SCHIP1: variants seen among roughly 807,000 people sequenced by gnomAD.
SCHIP1 encodes schwannomin interacting protein 1, also known as schwannomin-interacting protein 1.
In SCHIP1, 8 loss-of-function variants were observed where a neutral mutation model predicts 29.7. The ratio of observed to expected loss-of-function variants is 0.27; its 90% confidence interval spans 0.16 to 0.49. The LOEUF is 0.49. Among genes scored for constraint, SCHIP1 ranks in the 20% least tolerant of loss-of-function variants. The probability of loss-of-function intolerance (pLI) is 0.99; values close to 1 mark genes in which losing one functional copy is unlikely to be tolerated. For missense variants in SCHIP1, 193 were observed against 294.6 expected (o/e 0.66, Z 2.52); for synonymous variants, 76 against 94.9 (o/e 0.80, Z 1.16).
At chr3:159,504,224 G>A in the SCHIP1 span, among the ~76,000 whole-genome samples, 4 of 152,152 alleles carry the variant, frequency 2.6e-5, no homozygotes, top group African/African-American at 4.8e-5. Flanking sequence ...TCCTGTTATA[G>A]GAAACATTAA....
At chr3:159,605,630 G>A in the SCHIP1 span, among the ~76,000 whole-genome samples, 14 of 152,204 alleles carry the variant, frequency 9.2e-5, no homozygotes, top group Middle Eastern at 3.4e-3. Context: ...AATGCCAGCT[G>A]ACCTAAAAAT....
the SCHIP1 span, among the ~76,000 whole-genome samples, chr3:159,380,366 A>G: frequency 6.6e-6 from 1 of 152,186 alleles, no homozygotes; most frequent in Non-Finnish European, 1.5e-5. Flanking sequence ...TTGAAGGCTG[A>G]CATAGTTTCA....
At chr3:159,283,344 G>A in the SCHIP1 span, among the ~76,000 whole-genome samples, 177 of 152,204 alleles carry the variant, frequency 1.2e-3, no homozygotes, top group African/African-American at 3.9e-3. Context: ...GTAGAGACGA[G>A]GTTTCACCAT....
At chr3:159,829,840 G>A in the SCHIP1 span, among the ~76,000 whole-genome samples, 343 of 152,222 alleles carry the variant, frequency 2.3e-3, 1 homozygote, top group Non-Finnish European at 2.9e-3. Context: ...CCTAACAGTC[G>A]GTTGTGCAAT....
the SCHIP1 span, among the ~76,000 whole-genome samples, chr3:159,618,513 C>G: frequency 1.3e-5 from 2 of 152,152 alleles, no homozygotes; most frequent in African/African-American, 4.8e-5. Context: ...CTTGGAAACC[C>G]TGAAAATCTA....
At chr3:159,587,575 T>C in the SCHIP1 span, among the ~76,000 whole-genome samples, 2 of 152,088 alleles carry the variant, frequency 1.3e-5, no homozygotes, top group African/African-American at 4.8e-5. Flanking sequence ...ACCCCTTAAC[T>C]CATAATTTAC....
At chr3:159,748,896 G>A in the SCHIP1 span, among the ~76,000 whole-genome samples, 2 of 152,262 alleles carry the variant, frequency 1.3e-5, no homozygotes, top group South Asian at 4.2e-4. Flanking sequence ...TGAAACCAAA[G>A]AATGGTCTAC....
At chr3:159,303,157 A>G in the SCHIP1 span, among the ~76,000 whole-genome samples, 2 of 152,150 alleles carry the variant, frequency 1.3e-5, no homozygotes, top group Non-Finnish European at 2.9e-5. Flanking sequence ...AAGAGCAGAG[A>G]CAGGCAGAGA....
intron 2 of SCHIP1, among the ~76,000 whole-genome samples, chr3:159,877,358 A>G (rs1204507921): frequency 6.6e-6 from 1 of 152,210 alleles, no homozygotes; most frequent in Non-Finnish European, 1.5e-5. Flanking sequence ...TTCAAAGAAT[A>G]AAAAATAAAG....
chr3:159,644,440 C>T, the SCHIP1 span, among the ~76,000 whole-genome samples: 6 of 152,224 alleles, frequency 3.9e-5, no homozygotes, highest in South Asian at 1.0e-3. Flanking sequence ...TTTCTCGACC[C>T]TGTCCAGGTT....
At chr3:159,657,109 A>G in the SCHIP1 span, among the ~76,000 whole-genome samples, 4 of 152,218 alleles carry the variant, frequency 2.6e-5, no homozygotes, top group African/African-American at 9.7e-5. Context: ...TGCTACTCTA[A>G]GTCTACATGT....
the SCHIP1 span, among the ~76,000 whole-genome samples, chr3:159,343,404 C>T: frequency 7.9e-5 from 12 of 152,314 alleles, no homozygotes; most frequent in African/African-American, 1.7e-4. Flanking sequence ...TTTTCTTGAT[C>T]GTAGGAGTGT....
the SCHIP1 span, among the ~76,000 whole-genome samples, chr3:159,827,672 G>A: frequency 6.6e-6 from 1 of 152,034 alleles, no homozygotes; most frequent in Non-Finnish European, 1.5e-5. Flanking sequence ...GGGCACGGTG[G>A]CGGGCGCCTG....
At chr3:159,583,700 C>T in the SCHIP1 span, among the ~76,000 whole-genome samples, 1 of 152,176 alleles carries the variant, frequency 6.6e-6, no homozygotes, top group East Asian at 1.9e-4. Context: ...CCTTAGTCAT[C>T]TTTGGAAATC....
the SCHIP1 span, chr3:159,273,340 CATGGTGTGTGCAGTGCCTTGTGGAAT>C: frequency 1.0e-6 from 1 of 986,978 alleles, no homozygotes; most frequent in Non-Finnish European, 1.2e-6. Context: ...GACCTGTTTA[CATGGTGTGTGCAGTGCCTTGTGGAAT>C]TCTTAACTCT....
the SCHIP1 span, among the ~76,000 whole-genome samples, chr3:159,320,522 C>T: frequency 2.6e-5 from 4 of 152,276 alleles, no homozygotes; most frequent in East Asian, 7.7e-4. Flanking sequence ...TGGTTCAGCT[C>T]TGACCATCAA....
chr3:159,424,653 A>C, the SCHIP1 span, among the ~76,000 whole-genome samples: 1 of 152,206 alleles, frequency 6.6e-6, no homozygotes, highest in East Asian at 1.9e-4. Flanking sequence ...CCAATCTAGC[A>C]AGGCAGGCCA....
chr3:159,734,246 G>A, the SCHIP1 span, among the ~76,000 whole-genome samples: 4 of 149,060 alleles, frequency 2.7e-5, no homozygotes, highest in African/African-American at 9.9e-5. Flanking sequence ...AGGTTCAAGC[G>A]ATTCTCCTGC....
the SCHIP1 span, among the ~76,000 whole-genome samples, chr3:159,491,575 C>G: frequency 6.6e-6 from 1 of 152,196 alleles, no homozygotes; most frequent in Non-Finnish European, 1.5e-5. Flanking sequence ...CCACCAATGC[C>G]CAGGCCTTGA....
Sources: gnomAD v4.1 joint callset for allele counts (sites outside exome capture counted in the v4.1 genomes callset) on GRCh38, gnomAD v4.1.1 for gene constraint, MANE v1.5 for transcripts, NCBI Gene and HGNC (gene_info 2026-07-23, HGNC 2026-07-21) for gene names.